The following EDIL3 variants were observed in gnomAD, a reference collection of about 807,000 sequenced individuals.
EDIL3 encodes the protein EGF like and discoidin domains 3.
EDIL3 carries 37 observed loss-of-function variants against 67.4 expected under a neutral mutation model. That is an observed-to-expected ratio of 0.55 (90% confidence interval 0.42 to 0.72). The LOEUF (loss-of-function observed/expected upper bound fraction) is 0.72. Ranked by LOEUF, EDIL3 falls within the 30% of genes least tolerant of loss-of-function variation. The pLI is 0.00. For synonymous variants in EDIL3, 195 were observed against 196.3 expected (o/e 0.99, Z 0.05); for missense variants, 527 against 586.3 (o/e 0.90, Z 1.04).
intron 6 of EDIL3, among the ~76,000 whole-genome samples, chr5:84,102,015 A>T (rs1431831031): frequency 6.6e-6 from 1 of 152,166 alleles, no homozygotes; most frequent in African/African-American, 2.4e-5. Context: ...TAGGTTCAAC[A>T]TATGTAAATC....
intron 1 of EDIL3, among the ~76,000 whole-genome samples, chr5:84,332,856 G>T (rs1412342504): frequency 6.6e-6 from 1 of 152,102 alleles, no homozygotes; most frequent in Admixed American, 6.6e-5. Context: ...TATCATAATA[G>T]GTCCCCACTT....
chr5:84,114,044 TG>T (rs1179944829), intron 5 of EDIL3, among the ~76,000 whole-genome samples: 13 of 152,260 alleles, frequency 8.5e-5, no homozygotes, highest in Middle Eastern at 3.4e-3. Flanking sequence ...TCCTAGCATT[TG>T]TTTTATTTTA....
chr5:83,956,636 G>A (rs915399940), intron 10 of EDIL3, among the ~76,000 whole-genome samples: 15 of 151,824 alleles, frequency 9.9e-5, no homozygotes, highest in Non-Finnish European at 1.9e-4. Context: ...AGAGGCCTTA[G>A]CAAAATTTAC....
intron 5 of EDIL3, among the ~76,000 whole-genome samples, chr5:84,122,796 G>A (rs970731752): frequency 2.0e-5 from 3 of 151,890 alleles, no homozygotes; most frequent in East Asian, 1.9e-4. Flanking sequence ...TTGTTCTGCC[G>A]TGGTTGGACT....
intron 8 of EDIL3, among the ~76,000 whole-genome samples, chr5:84,062,500 T>C (rs1746564813): frequency 6.6e-6 from 1 of 152,114 alleles, no homozygotes; most frequent in Non-Finnish European, 1.5e-5. Context: ...TCACTTTATA[T>C]CCATTCTGTT....
chr5:83,993,230 T>C (rs62364168), intron 9 of EDIL3, among the ~76,000 whole-genome samples: 17,570 of 152,160 alleles, frequency 0.12, 1,843 homozygotes, highest in African/African-American at 0.29. Context: ...TAGTGTACAG[T>C]TGCCCAAACA....
At chr5:84,262,620 G>A (rs1252908185) in intron 1 of EDIL3, among the ~76,000 whole-genome samples, 3 of 138,624 alleles carry the variant, frequency 2.2e-5, no homozygotes, top group African/African-American at 8.0e-5. Flanking sequence ...TAAATAACCA[G>A]GAAATTCAAC....
chr5:83,991,055 A>G (rs1307490472), intron 9 of EDIL3, among the ~76,000 whole-genome samples: 1 of 152,204 alleles, frequency 6.6e-6, no homozygotes, highest in Non-Finnish European at 1.5e-5. Context: ...GCTGTACAGC[A>G]ATATCTTTAG....
intron 1 of EDIL3, among the ~76,000 whole-genome samples, chr5:84,300,933 T>TATACACACAC (rs1554040944): frequency 6.7e-6 from 1 of 149,598 alleles, no homozygotes; most frequent in Non-Finnish European, 1.5e-5. Flanking sequence ...CACAGACACA[T>TATACACACAC]ACACACACAC....
At chr5:84,231,961 G>T (rs1040673468) in intron 2 of EDIL3, among the ~76,000 whole-genome samples, 3 of 152,276 alleles carry the variant, frequency 2.0e-5, no homozygotes, top group Admixed American at 2.0e-4. Flanking sequence ...CCAATGAGAT[G>T]AAAATATTTC....
At chr5:84,314,906 T>A (rs1746478814) in intron 1 of EDIL3, among the ~76,000 whole-genome samples, 1 of 152,148 alleles carries the variant, frequency 6.6e-6, no homozygotes, top group Non-Finnish European at 1.5e-5. Flanking sequence ...ATTTAAAATA[T>A]AAATATTTTT....
intron 1 of EDIL3, among the ~76,000 whole-genome samples, chr5:84,333,700 A>C (rs756842806): frequency 1.3e-5 from 2 of 152,222 alleles, no homozygotes; most frequent in African/African-American, 4.8e-5. Flanking sequence ...ATATCCATAA[A>C]TATTATATGA....
In EDIL3 at chr5:84,016,298, T is replaced by C. The variant is rs117992445; in HGVS notation, c.1137+44002A>G. On this transcript the variant is annotated intron_variant, in intron 9 of 10. Coordinates refer to ENST00000296591, the MANE Select transcript of EDIL3 (RefSeq NM_005711.5). ...AGGGAATGTTTAAAGTAAAGTTGAG[T>C]AAATCTAGTTTATCGTCATGCATAT... Among the ~76,000 whole-genome samples the C allele has an allele frequency of 2.6e-4, 39 of 152,316 alleles. No individual in the cohort carries two copies. The East Asian group carries it at 7.1e-3, about 28-fold the overall frequency.
intron 3 of EDIL3, among the ~76,000 whole-genome samples, chr5:84,203,854 AG>A: frequency 6.6e-6 from 1 of 152,340 alleles, no homozygotes; most frequent in Non-Finnish European, 1.5e-5. Context: ...ATATCCGAAG[AG>A]GGTAAGGAAG....
At chr5:83,999,963 T>A (rs529907333) in intron 9 of EDIL3, among the ~76,000 whole-genome samples, 170 of 151,758 alleles carry the variant, frequency 1.1e-3, no homozygotes, top group African/African-American at 4.0e-3. Flanking sequence ...GTGGAAACTT[T>A]ACAGGCCAGA....
chr5:84,012,121 C>T (rs1745528048), intron 9 of EDIL3, among the ~76,000 whole-genome samples: 1 of 152,100 alleles, frequency 6.6e-6, no homozygotes, highest in Non-Finnish European at 1.5e-5. Context: ...TTTACAGGAA[C>T]ATTTTGAAGG....
At chr5:84,054,725 C>T (rs371363146) in intron 9 of EDIL3, among the ~76,000 whole-genome samples, 27 of 151,778 alleles carry the variant, frequency 1.8e-4, no homozygotes, top group Admixed American at 9.9e-4. Flanking sequence ...TCAAAGAGAA[C>T]AAAATACCTA....
intron 9 of EDIL3, among the ~76,000 whole-genome samples, chr5:84,023,095 T>G (rs568242989): frequency 8.6e-5 from 13 of 151,988 alleles, no homozygotes; most frequent in African/African-American, 2.6e-4. Flanking sequence ...TCTAAAGAAG[T>G]GTCTGACACA....
intron 10 of EDIL3, among the ~76,000 whole-genome samples, chr5:83,957,994 T>G (rs531558220): frequency 1.3e-5 from 2 of 151,784 alleles, no homozygotes; most frequent in African/African-American, 4.8e-5. Flanking sequence ...TAAAATTTGT[T>G]TAAAGCTAGT....
Sources: allele counts gnomAD v4.1 joint callset (sites outside exome capture counted in the v4.1 genomes callset), GRCh38; gene constraint gnomAD v4.1.1; transcripts MANE v1.5; gene names NCBI Gene and HGNC (gene_info 2026-07-23, HGNC 2026-07-21).